Variants in IL16 observed in about 807,000 individuals in gnomAD.
The protein encoded by IL16 is interleukin 16, also known as pro-interleukin-16.
Under a neutral mutation model 110.1 loss-of-function variants are expected in IL16, and 67 were observed. The observed-to-expected ratio is 0.61, with a 90% confidence interval of 0.50 to 0.75. The LOEUF (loss-of-function observed/expected upper bound fraction) is 0.75, where lower values mean the gene tolerates loss of function less well. Among genes scored for constraint, IL16 ranks in the 30% least tolerant of loss-of-function variants. The probability of loss-of-function intolerance (pLI) is 0.00; values close to 1 mark genes in which losing one functional copy is unlikely to be tolerated. For synonymous variants in IL16, 689 were observed against 662.9 expected (o/e 1.04, Z -0.61); for missense variants, 1,545 against 1,655.0 (o/e 0.93, Z 1.15).
intron 4 of IL16, among the ~76,000 whole-genome samples, chr15:81,268,391 C>T (rs1898488314): frequency 6.6e-6 from 1 of 152,230 alleles, no homozygotes; most frequent in African/African-American, 2.4e-5. Flanking sequence ...TAATATCCAC[C>T]TTTGACAGAT....
chr15:81,307,960 T>A (rs1900656470), intron 18 of IL16, among the ~76,000 whole-genome samples: 1 of 152,256 alleles, frequency 6.6e-6, no homozygotes, highest in Admixed American at 6.5e-5. Context: ...ATTACTATCA[T>A]TAGTATTATC....
chr15:81,245,756 C>T (rs1020634851), intron 2 of IL16, among the ~76,000 whole-genome samples: 2 of 88,536 alleles, frequency 2.3e-5, no homozygotes, highest in African/African-American at 1.2e-4. Flanking sequence ...TTTGCCTGTA[C>T]CTACTGGCAA....
At chr15:81,295,692 A>G (rs1041085459) in intron 12 of IL16, among the ~76,000 whole-genome samples, 3 of 152,194 alleles carry the variant, frequency 2.0e-5, no homozygotes, top group Non-Finnish European at 4.4e-5. Context: ...GTATTTCATA[A>G]TGCTCTCCTA....
At chr15:81,232,998 T>G (rs930194189) in intron 2 of IL16, among the ~76,000 whole-genome samples, 13 of 152,198 alleles carry the variant, frequency 8.5e-5, no homozygotes, top group African/African-American at 3.1e-4. Flanking sequence ...AGAGATTTCT[T>G]TTTGGAAAGG....
Position 81,225,650 on chromosome 15 carries a change from C to T in IL16, c.251C>T (p.Ala84Val), listed in dbSNP as rs781604818. ...VPDLALASEA[A>V]QLQAAGNDRG... ...GATCTAGCACTGGCCTCGGAGGCTGCTCAACTCCAAGCAGCTGGGAATGAT... is the reference window on the plus strand; with the variant it reads ...GATCTAGCACTGGCCTCGGAGGCTGTTCAACTCCAAGCAGCTGGGAATGAT... The change falls in exon 2 of 19, where the codon GCT (alanine) becomes GTT (valine). Residue 84 changes from alanine to valine, a missense_variant. Transcript: ENST00000683961. 3.1e-6 allele frequency: 5 copies of T among 1,614,054 alleles called. No homozygotes were observed. Among genetic ancestry groups the T allele is most frequent in the Non-Finnish European group, 4.2e-6 (5 of 1,179,970 alleles).
chr15:81,277,061 A>G (rs1898945722), intron 6 of IL16, among the ~76,000 whole-genome samples: 1 of 152,192 alleles, frequency 6.6e-6, no homozygotes, highest in South Asian at 2.1e-4. Context: ...TGAAAAAAAT[A>G]ACTTTTGGAA....
At chr15:81,193,266 G>A (rs1030771178), upstream of IL16, among the ~76,000 whole-genome samples, 1 of 152,142 alleles carries the variant, frequency 6.6e-6, no homozygotes. Context: ...ATTTTATTAG[G>A]GGGGGAATCA....
rs527753776 is a variant in IL16, at chr15:81,264,960, C to T, written c.422-699C>T. Among the ~76,000 whole-genome samples, 13 of 152,170 alleles carry T rather than the reference C, an allele frequency of 8.5e-5. No individual in the cohort carries two copies. In the East Asian group the frequency reaches 2.5e-3, roughly 29 times the overall value. Reference sequence around the variant, plus strand: ...ATTTTTTAATTACATAGGTGGCTGGCATTATATTTCATTTGGGAAGCACTG... The same window carrying T: ...ATTTTTTAATTACATAGGTGGCTGGTATTATATTTCATTTGGGAAGCACTG... On this transcript the variant is annotated intron_variant, in intron 3 of 18. Coordinates refer to ENST00000683961, the MANE Select transcript of IL16 (RefSeq NM_172217.5).
At chr15:81,256,647 A>G (rs1328766277) in intron 2 of IL16, among the ~76,000 whole-genome samples, 5 of 152,152 alleles carry the variant, frequency 3.3e-5, no homozygotes, top group East Asian at 1.9e-4. Context: ...CCCAGACTCT[A>G]CATTTTTAAA....
chr15:81,243,524 C>A (rs905168355), intron 2 of IL16, among the ~76,000 whole-genome samples: 2 of 151,602 alleles, frequency 1.3e-5, no homozygotes, highest in Non-Finnish European at 2.9e-5. Context: ...TTGTAGTTTT[C>A]TTTTTTTGTA....
rs188612848 is a variant in IL16 at position 81,189,610 on chromosome 15, G to A, written c.40+6714G>A. Among the ~76,000 whole-genome samples, 346 of 152,254 alleles carry A rather than the reference G, an allele frequency of 2.3e-3. 3 individuals are homozygous for A. The highest frequency in any genetic ancestry group is 8.0e-3 in the African/African-American group (334 of 41,568). ...AAGTGATTTAATGTGTGAGTTGGGA[G>A]GGGGTGTCAGGGAAGTCTTCCTGGA... On this transcript the variant is annotated intron_variant, in intron 1 of 18. Coordinates refer to the IL16 transcript ENST00000302987.
chr15:81,220,394 A>C (rs1311932448), intron 1 of IL16, among the ~76,000 whole-genome samples: 2 of 152,132 alleles, frequency 1.3e-5, no homozygotes, highest in Non-Finnish European at 2.9e-5. Context: ...AGCTCAAGCA[A>C]ATCACCCACC....
At chr15:81,249,075 G>C (rs985657240) in intron 2 of IL16, among the ~76,000 whole-genome samples, 11 of 151,904 alleles carry the variant, frequency 7.2e-5, no homozygotes, top group African/African-American at 2.7e-4. Flanking sequence ...TGTATATGAA[G>C]GTTTTCAAAG....
At chr15:81,191,516 C>G (rs1322143067) in intron 1 of IL16, among the ~76,000 whole-genome samples, 1 of 152,126 alleles carries the variant, frequency 6.6e-6, no homozygotes, top group African/African-American at 2.4e-5. Flanking sequence ...GTGCTGGGGA[C>G]CCCACAGTGA....
rs1900285125 is a variant in IL16 at position 81,301,504 on chromosome 15, A to T, written c.3310A>T (p.Thr1104Ser). The T allele has an allele frequency of 6.2e-7, 1 of 1,611,634 alleles. No homozygotes were observed. Among genetic ancestry groups the T allele is most frequent in the African/African-American group, 1.3e-5 (1 of 74,676 alleles). Reference sequence around the variant, plus strand: ...GGAGGTGAAGGTTCTGGATGAAGCAACATTAAAGGTAGGTTTCCTTTGTAA... The same window carrying T: ...GGAGGTGAAGGTTCTGGATGAAGCATCATTAAAGGTAGGTTTCCTTTGTAA... ...IEEVKVLDEA[T>S]LKQLDGIHVT... Residue 1104 changes from threonine to serine, a missense_variant, in exon 15 of 19, where the codon ACA (threonine) becomes TCA (serine). Physicochemically the swap from Thr to Ser is moderately conservative, Grantham distance 58. Around this residue, in one of 3 missense-constraint regions of IL16, gnomAD observed 356 missense variants for 399.3 expected, o/e 0.89. Coordinates refer to ENST00000683961, the MANE Select transcript of IL16 (RefSeq NM_172217.5).
In IL16 at chr15:81,303,750, G is replaced by C. The variant is rs1900412853; in HGVS notation, c.3420+100G>C. On this transcript the variant is annotated intron_variant, in intron 16 of 18. Transcript: ENST00000683961. The surrounding 1 kb of genome is among the most constrained non-coding windows in gnomAD (Gnocchi z 4.1). ...AGGGGCCCTGTGCTGGGGAAATGAAGAATGCATGACACTAGGCCACTGGGC... is the reference window on the plus strand; with the variant it reads ...AGGGGCCCTGTGCTGGGGAAATGAACAATGCATGACACTAGGCCACTGGGC... 1.3e-6 allele frequency: 1 copy of C among 796,558 alleles called. No homozygotes were observed. Among genetic ancestry groups the C allele is most frequent in the Non-Finnish European group, 2.2e-6 (1 of 459,104 alleles). 49.3% of individuals were successfully genotyped at this position (796,558 alleles called of 1,614,324 possible).
intron 1 of IL16, among the ~76,000 whole-genome samples, chr15:81,191,295 G>A (rs1895493788): frequency 1.3e-5 from 2 of 152,214 alleles, no homozygotes; most frequent in Admixed American, 1.3e-4. Flanking sequence ...AGCTAAGAGA[G>A]ATACTGTGAA....
At chr15:81,269,105 C>A (rs1221240973) in intron 4 of IL16, among the ~76,000 whole-genome samples, 1 of 152,262 alleles carries the variant, frequency 6.6e-6, no homozygotes, top group African/African-American at 2.4e-5. Context: ...GGCTCCGCCC[C>A]CTTGCCCACC....
intron 10 of IL16, chr15:81,289,782 G>A (rs1899621987): frequency 6.4e-6 from 2 of 312,074 alleles, no homozygotes; most frequent in Non-Finnish European, 1.3e-5. Flanking sequence ...AGAAGTTTTT[G>A]ATTTTCACAT....
Sources: allele counts gnomAD v4.1 joint callset (sites outside exome capture counted in the v4.1 genomes callset), GRCh38; gene constraint gnomAD v4.1.1; regional missense constraint gnomAD v4.1.1; non-coding constraint Gnocchi (gnomAD v3.1); transcripts MANE v1.5; gene names NCBI Gene and HGNC (gene_info 2026-07-23, HGNC 2026-07-21).